Variants in ATP8A2 observed in about 807,000 individuals in gnomAD.
ATP8A2 encodes the protein ATPase phospholipid transporting 8A2.
Under a neutral mutation model 165.6 loss-of-function variants are expected in ATP8A2, and 100 were observed. The ratio of observed to expected loss-of-function variants is 0.60; its 90% CI spans 0.51 to 0.71. The LOEUF (loss-of-function observed/expected upper bound fraction) is 0.71, where lower values mean the gene tolerates loss of function less well. Ranked by LOEUF, ATP8A2 falls within the 30% of genes least tolerant of loss-of-function variation. ATP8A2 has a pLI of 0.00. For missense variants in ATP8A2, 1,227 were observed against 1,479.5 expected, an observed-to-expected ratio of 0.83 and a Z score of 2.80; for synonymous variants, 543 against 548.8, an observed-to-expected ratio of 0.99 and a Z score of 0.15.
intron 24 of ATP8A2, among the ~76,000 whole-genome samples, chr13:25,676,484 G>T (rs141211520): frequency 6.6e-6 from 1 of 152,188 alleles, no homozygotes; most frequent in East Asian, 1.9e-4. Context: ...GAGACCACAC[G>T]TGAACTCTGC....
intron 2 of ATP8A2, among the ~76,000 whole-genome samples, chr13:25,489,562 C>G (rs2137631630): frequency 6.6e-6 from 1 of 152,278 alleles, no homozygotes; most frequent in East Asian, 1.9e-4. Context: ...ATGACAAAGT[C>G]TGTCTGTTTC....
chr13:25,671,324 T>C (rs1401199180), intron 24 of ATP8A2, among the ~76,000 whole-genome samples: 1 of 152,142 alleles, frequency 6.6e-6, no homozygotes, highest in African/African-American at 2.4e-5. Flanking sequence ...ACAGCATGTG[T>C]GTTTGAGCAG....
intron 10 of ATP8A2, among the ~76,000 whole-genome samples, chr13:25,546,874 A>C (rs1272257293): frequency 1.7e-4 from 26 of 152,194 alleles, no homozygotes. Flanking sequence ...TCACGCCTGC[A>C]ATCCCAGCAC....
chr13:25,705,312 G>A (rs1229747625), intron 25 of ATP8A2: 1 of 258,610 alleles, frequency 3.9e-6, no homozygotes, highest in African/African-American at 2.3e-5. Flanking sequence ...CCCCCTGTGA[G>A]GACGTTAGTG....
In ATP8A2 at chr13:25,937,848, C is replaced by CAA. The variant is rs57258286; in HGVS notation, c.3184-23705_3184-23704dup. Among the ~76,000 whole-genome samples, 567 of 83,330 alleles carry CAA rather than the reference C, an allele frequency of 6.8e-3. 9 individuals are homozygous for CAA. Among genetic ancestry groups the CAA allele is most frequent in the African/African-American group, 0.015 (322 of 21,202 alleles). 54.7% of individuals were successfully genotyped at this position (83,330 alleles called of 152,430 possible). On this transcript the variant is annotated intron_variant, in intron 33 of 36. Coordinates refer to ENST00000381655, the MANE Select transcript of ATP8A2 (RefSeq NM_016529.6). ...TGGGGGACAGAGCGAGACTCCGTCT[C>CAA]AAAAAAAAAAAAAAAAAAAAAAAGA...
At chr13:25,969,051 T>C (rs943229989) in intron 35 of ATP8A2, among the ~76,000 whole-genome samples, 8 of 152,202 alleles carry the variant, frequency 5.3e-5, no homozygotes, top group Admixed American at 2.6e-4. Flanking sequence ...CAAGGATGAG[T>C]ATCTACAGTG....
At chr13:25,448,259 AC>A (rs1299670018) in intron 1 of ATP8A2, among the ~76,000 whole-genome samples, 1 of 152,126 alleles carries the variant, frequency 6.6e-6, no homozygotes, top group Admixed American at 6.6e-5. Flanking sequence ...AACTATAGTC[AC>A]CCTATTGTGC....
chr13:25,611,782 G>T (rs2040694728), intron 24 of ATP8A2, among the ~76,000 whole-genome samples: 1 of 151,912 alleles, frequency 6.6e-6, no homozygotes, highest in Non-Finnish European at 1.5e-5. Context: ...TTTTTTGTTG[G>T]CAATTTTTAA....
intron 27 of ATP8A2, among the ~76,000 whole-genome samples, chr13:25,776,932 G>C (rs2044756507): frequency 6.6e-6 from 1 of 151,296 alleles, no homozygotes; most frequent in Admixed American, 6.6e-5. Flanking sequence ...CGTCCCCTAG[G>C]GCCCCTTCTT....
intron 24 of ATP8A2, among the ~76,000 whole-genome samples, chr13:25,685,605 A>G (rs186746447): frequency 3.3e-5 from 5 of 152,308 alleles, no homozygotes; most frequent in African/African-American, 7.2e-5. Context: ...CCTCCCTAAG[A>G]AGCCACATTG....
At chr13:25,512,150 C>G (rs1213786319) in intron 2 of ATP8A2, among the ~76,000 whole-genome samples, 1 of 151,242 alleles carries the variant, frequency 6.6e-6, no homozygotes, top group Non-Finnish European at 1.5e-5. Context: ...GCCCTTAATC[C>G]ATTTAACCCT....
chr13:25,742,764 G>T (rs1158345357), intron 25 of ATP8A2, among the ~76,000 whole-genome samples: 2 of 148,838 alleles, frequency 1.3e-5, no homozygotes, highest in Non-Finnish European at 3.0e-5. Context: ...AGAGATTCTA[G>T]AAAAGATGGA....
Position 25,465,691 on chromosome 13 carries a change from C to CT in ATP8A2, c.77-3283dup, listed in dbSNP as rs1344687870. Reference sequence around the variant, plus strand: ...TCTTTCTTTCTTTCTTTCTTTCTTTCTTTCTTTCTTTCTTTCTTTCTTTCT... The same window carrying CT: ...TCTTTCTTTCTTTCTTTCTTTCTTTCTTTTCTTTCTTTCTTTCTTTCTTTCT... On this transcript the variant is annotated intron_variant, in intron 1 of 36. Transcript: ENST00000381655. Among the ~76,000 whole-genome samples, 8 of 17,212 alleles carry CT rather than the reference C, an allele frequency of 4.6e-4. 1 individual carries two copies. Among genetic ancestry groups the CT allele is most frequent in the Admixed American group, 2.1e-3 (3 of 1,458 alleles). 11.3% of individuals were successfully genotyped at this position (17,212 alleles called of 152,430 possible).
intron 1 of ATP8A2, among the ~76,000 whole-genome samples, chr13:25,390,800 C>T (rs2033216493): frequency 1.3e-5 from 2 of 151,840 alleles, no homozygotes; most frequent in South Asian, 4.2e-4. Flanking sequence ...TGTGGTGGTA[C>T]ACACCTGTAA....
At chr13:25,429,139 G>A (rs936763487) in intron 1 of ATP8A2, among the ~76,000 whole-genome samples, 71 of 152,012 alleles carry the variant, frequency 4.7e-4, no homozygotes, top group Admixed American at 5.2e-4. Context: ...AGGCCGAGGC[G>A]GTTGGATCAC....
intron 35 of ATP8A2, among the ~76,000 whole-genome samples, chr13:26,012,228 C>G (rs549709711): frequency 1.3e-5 from 2 of 152,190 alleles, no homozygotes; most frequent in Non-Finnish European, 1.5e-5. Flanking sequence ...AAACAGGCCT[C>G]TCCTTGGAGA....
At chr13:25,778,988 A>G (rs1163074177) in intron 27 of ATP8A2, among the ~76,000 whole-genome samples, 1 of 152,204 alleles carries the variant, frequency 6.6e-6, no homozygotes, top group Non-Finnish European at 1.5e-5. Context: ...GGAGACAAAC[A>G]GATGGTGGTG....
chr13:25,852,142 C>T (rs1270982568), intron 30 of ATP8A2, among the ~76,000 whole-genome samples: 1 of 152,314 alleles, frequency 6.6e-6, no homozygotes, highest in South Asian at 2.1e-4. Context: ...TCTGTATTTA[C>T]TCCACCTCCT....
intron 30 of ATP8A2, among the ~76,000 whole-genome samples, chr13:25,854,154 C>T (rs1015388346): frequency 2.6e-5 from 4 of 152,060 alleles, no homozygotes; most frequent in South Asian, 2.1e-4. Flanking sequence ...TTCTTCCTCT[C>T]GTGAACTTAA....
Sources: gnomAD v4.1 joint callset for allele counts (sites outside exome capture counted in the v4.1 genomes callset) on GRCh38, gnomAD v4.1.1 for gene constraint, MANE v1.5 for transcripts, NCBI Gene and HGNC (gene_info 2026-07-23, HGNC 2026-07-21) for gene names.